Variants in CAPN1 observed in about 807,000 individuals in gnomAD.
CAPN1 encodes calpain-1 catalytic subunit.
CAPN1 carries 77 observed loss-of-function variants against 105.2 expected under a neutral mutation model. The observed-to-expected ratio is 0.73, with a 90% CI of 0.61 to 0.88. The LOEUF is 0.88. CAPN1 is among the 40% of genes least tolerant of loss of function. The probability of loss-of-function intolerance (pLI) is 0.00; values close to 1 mark genes in which losing one functional copy is unlikely to be tolerated. For synonymous variants in CAPN1, 355 were observed against 388.8 expected (o/e 0.91, Z 1.02); for missense variants, 833 against 976.6 (o/e 0.85, Z 1.96).
chr11:65,184,830 C>G (rs1244771553), intron 4 of CAPN1, among the ~76,000 whole-genome samples: 1 of 152,206 alleles, frequency 6.6e-6, no homozygotes, highest in Non-Finnish European at 1.5e-5. Flanking sequence ...TGTTCAGTGA[C>G]TCCCTAAAGG....
chr11:65,185,647 C>T (rs1005720157), intron 4 of CAPN1, among the ~76,000 whole-genome samples: 2 of 149,580 alleles, frequency 1.3e-5, no homozygotes, highest in Non-Finnish European at 3.0e-5. Flanking sequence ...ATACATGTAT[C>T]TAGTATATCT....
At chr11:65,185,843 G>A in intron 4 of CAPN1, 74 bp from the exon 5 acceptor site, 1 of 1,465,556 alleles carries the variant, frequency 6.8e-7, no homozygotes, top group Non-Finnish European at 9.2e-7. Context: ...CTGCATCTAG[G>A]AAGGTAGGGG....
rs1949044412 is a variant in CAPN1, at chr11:65,211,257, CA to C, written c.2119-2del. The C allele has an allele frequency of 6.2e-7, 1 of 1,612,722 alleles. No homozygotes were observed. The stretch of plus-strand genomic sequence containing the variant: ...CCCAGCTGACCTGCCTGTTCTCCCG[CA>C]GTGGTTGCAGCTGACCATGTTTGCA... On this transcript the variant is annotated splice_acceptor_variant, in intron 21 of 21. Transcript: ENST00000279247. LOFTEE classifies it high-confidence loss of function.
chr11:65,195,495 G>T (rs1033186911), intron 10 of CAPN1, among the ~76,000 whole-genome samples: 15 of 152,192 alleles, frequency 9.9e-5, no homozygotes, highest in Admixed American at 7.9e-4. Flanking sequence ...TCATTTTGAG[G>T]TTTTTTTCCC....
chr11:65,204,170 T>G (rs1948914510), intron 10 of CAPN1, among the ~76,000 whole-genome samples: 2 of 152,168 alleles, frequency 1.3e-5, no homozygotes, highest in Non-Finnish European at 2.9e-5. Flanking sequence ...GCCTCCTCGC[T>G]GCAAGCTGTG....
Position 65,206,532 on chromosome 11 carries a change from G to C in CAPN1, c.1423G>C (p.Glu475Gln), listed in dbSNP as rs1452864903. 6.2e-7 allele frequency: 1 copy of C among 1,613,456 alleles called. No homozygotes were observed. Among genetic ancestry groups the C allele is most frequent in the Middle Eastern group, 1.6e-4 (1 of 6,062 alleles). ...FLANASRARS[E>Q]QFINLREVST... ...GGCCAATGCGTCTCGGGCGCGCTCA[G>C]AGCAGTTCATCAACCTGCGAGAGGT... The change falls in exon 13 of 22, where the codon GAG becomes CAG. Residue 475 changes from glutamate (E) to glutamine (Q), a missense_variant. Glu to Gln is a conservative substitution (Grantham distance 29, BLOSUM62 2). Coordinates refer to ENST00000279247, the MANE Select transcript of CAPN1 (RefSeq NM_005186.4).
At position 65,208,215 on chromosome 11, in the gene CAPN1, T is replaced by C. The variant is rs1271389021; in HGVS notation, c.1682T>C (p.Ile561Thr). The C allele has an allele frequency of 6.3e-7, 1 of 1,581,144 alleles. No individual in the cohort carries two copies. Among genetic ancestry groups the C allele is most frequent in the South Asian group, 1.2e-5 (1 of 86,472 alleles). Residue 561 changes from isoleucine to threonine, a missense_variant, in exon 16 of 22, where the codon ATC (isoleucine) becomes ACC (threonine). Physicochemically the swap from Ile to Thr is moderately conservative, Grantham distance 89. Transcript: ENST00000279247. The surrounding 1 kb of genome is among the most constrained non-coding windows in gnomAD (Gnocchi z 4.1). ...FRQLAGEDME[I>T]SVKELRTILN... The stretch of plus-strand genomic sequence containing the variant: ...CCTCTCTCTCCCCAGGACATGGAGA[T>C]CAGCGTGAAGGAGTTGCGGACAATC...
rs1405796688 is a variant in CAPN1, at chr11:65,211,867, A to G, written c.*581A>G. ...CTTCCCTCCTTCGCTCCTTTTTTAT[A>G]TTAGTGATTTTAAAGGGGACTCTTC... On this transcript the variant is annotated 3_prime_UTR_variant, in exon 22 of 22. Transcript: ENST00000279247. 1 of 157,324 alleles carries G rather than the reference A, an allele frequency of 6.4e-6. No individual in the cohort carries two copies. The highest frequency in any genetic ancestry group is 6.0e-5 in the Admixed American group (1 of 16,682). 9.7% of individuals were successfully genotyped at this position (157,324 alleles called of 1,614,324 possible).
chr11:65,198,463 C>T (rs1467422102), intron 10 of CAPN1, among the ~76,000 whole-genome samples: 1 of 152,070 alleles, frequency 6.6e-6, no homozygotes, highest in Non-Finnish European at 1.5e-5. Context: ...ATGACTTTAC[C>T]CTCCTCGTGA....
intron 3 of CAPN1, 138 bp downstream of exon 3, chr11:65,183,335 C>A: frequency 8.8e-7 from 1 of 1,134,400 alleles, no homozygotes; most frequent in Non-Finnish European, 1.3e-6. Flanking sequence ...CTGGTTTGCC[C>A]AGATTCCTGG....
intron 10 of CAPN1, among the ~76,000 whole-genome samples, chr11:65,190,535 A>C (rs11227147): frequency 0.72 from 109,268 of 152,006 alleles, 40,494 homozygotes; most frequent in Middle Eastern, 0.86. Flanking sequence ...AGCGCCCTCA[A>C]GTAGTCCTGA....
rs1949022257 is a variant in CAPN1, at chr11:65,210,065, C to T, written c.1911C>T (p.Ala637=). The part of the protein sequence containing the change: ...FDLDKSGSMS[A]YEMRMAIESA... ...TGGACAAGTCGGGCAGCATGAGTGC[C>T]TACGAGATGCGGATGGCCATTGAGT... The change falls in exon 19 of 22, where the codon GCC becomes GCT. Residue 637 remains alanine, a synonymous_variant. Coordinates refer to ENST00000279247, the MANE Select transcript of CAPN1 (RefSeq NM_005186.4). The surrounding 1 kb of genome is among the most constrained non-coding windows in gnomAD (Gnocchi z 4.3). The T allele has an allele frequency of 1.2e-6, 2 of 1,612,644 alleles. No individual in the cohort carries two copies. Among genetic ancestry groups the T allele is most frequent in the African/African-American group, 2.7e-5 (2 of 74,760 alleles).
In CAPN1 at chr11:65,208,223, A is replaced by C; in HGVS notation, c.1690A>C (p.Lys564Gln). ...LAGEDMEISVKELRTILNRII... is the reference protein window; with the variant it reads ...LAGEDMEISVQELRTILNRII... Reference sequence around the variant, plus strand: ...TCCCCAGGACATGGAGATCAGCGTGAAGGAGTTGCGGACAATCCTCAATAG... The same window carrying C: ...TCCCCAGGACATGGAGATCAGCGTGCAGGAGTTGCGGACAATCCTCAATAG... The change falls in exon 16 of 22, where the codon AAG becomes CAG. Residue 564 changes from lysine (K) to glutamine (Q), a missense_variant. Coordinates refer to ENST00000279247, the MANE Select transcript of CAPN1 (RefSeq NM_005186.4). The surrounding 1 kb of genome is among the most constrained non-coding windows in gnomAD (Gnocchi z 4.1). 2 of 1,577,862 alleles carry C rather than the reference A, an allele frequency of 1.3e-6. No homozygotes were observed. The highest frequency in any genetic ancestry group is 1.7e-6 in the Non-Finnish European group (2 of 1,161,696).
chr11:65,194,846 C>T (rs957716550), intron 10 of CAPN1, among the ~76,000 whole-genome samples: 7 of 152,036 alleles, frequency 4.6e-5, no homozygotes, highest in South Asian at 2.1e-4. Context: ...CATGTGCATG[C>T]GTTTCAACAT....
Position 65,206,509 on chromosome 11 carries a change from C to G in CAPN1, c.1400C>G (p.Ala467Gly). The change falls in exon 13 of 22, where the codon GCC becomes GGC. Residue 467 changes from alanine to glycine, a missense_variant. Physicochemically the swap from Ala to Gly is moderately conservative, Grantham distance 60. Transcript: ENST00000279247. ...AVHLKRDFFL[A>G]NASRARSEQF... ...CACTTGAAGCGTGACTTCTTCCTGGCCAATGCGTCTCGGGCGCGCTCAGAG... is the reference window on the plus strand; with the variant it reads ...CACTTGAAGCGTGACTTCTTCCTGGGCAATGCGTCTCGGGCGCGCTCAGAG... 1 of 1,613,446 alleles carries G rather than the reference C, an allele frequency of 6.2e-7. No homozygotes were observed. Among genetic ancestry groups the G allele is most frequent in the Non-Finnish European group, 8.5e-7 (1 of 1,179,876 alleles).
intron 12 of CAPN1, chr11:65,206,151 G>A (rs1047962915): frequency 2.8e-5 from 15 of 539,374 alleles, no homozygotes; most frequent in Admixed American, 1.3e-4. Context: ...ATGAGGTGCC[G>A]AGTACCCTGC....
At position 65,188,029 on chromosome 11, in the gene CAPN1, C is replaced by T; in HGVS notation, c.918C>T (p.Ala306=). 3 of 1,559,462 alleles carry T rather than the reference C, an allele frequency of 1.9e-6. No individual in the cohort carries two copies. The highest frequency in any genetic ancestry group is 2.7e-5 in the African/African-American group (2 of 73,180). The part of the protein sequence containing the change: ...NPWGEVEWTG[A]WSDSSSEWNN... ...GGGGCGAGGTGGAGTGGACGGGAGCCTGGAGCGACAGGTGAGGGGCAGTGG... is the reference window on the plus strand; with the variant it reads ...GGGGCGAGGTGGAGTGGACGGGAGCTTGGAGCGACAGGTGAGGGGCAGTGG... Residue 306 remains alanine, a synonymous_variant, in exon 8 of 22, where the codon GCC becomes GCT. Transcript: ENST00000279247. This position sits in a 1 kb window ranked among gnomAD's most constrained non-coding sequence, Gnocchi z 5.5.
In CAPN1 at chr11:65,188,629, A is replaced by T; in HGVS notation, c.1048A>T (p.Ile350Phe). The T allele has an allele frequency of 6.2e-7, 1 of 1,613,812 alleles. No homozygotes were observed. Among genetic ancestry groups the T allele is most frequent in the Non-Finnish European group, 8.5e-7 (1 of 1,179,862 alleles). The change falls in exon 10 of 22, where the codon ATC becomes TTC. Residue 350 changes from isoleucine to phenylalanine, a missense_variant. Transcript: ENST00000279247. This position sits in a 1 kb window ranked among gnomAD's most constrained non-coding sequence, Gnocchi z 5.5. ...CATGCGGGAGTTCACCCGCCTGGAG[A>T]TCTGCAACCTCACACCCGACGCCCT... Reference protein sequence around the residue: ...DFMREFTRLEICNLTPDALKS... With the variant: ...DFMREFTRLEFCNLTPDALKS...
Position 65,208,248 on chromosome 11 carries a change from G to A in CAPN1, c.1715G>A (p.Arg572Lys). The change falls in exon 16 of 22, where the codon AGG (arginine) becomes AAG (lysine). Residue 572 changes from arginine to lysine, a missense_variant. Coordinates refer to ENST00000279247, the MANE Select transcript of CAPN1 (RefSeq NM_005186.4). This position sits in a 1 kb window ranked among gnomAD's most constrained non-coding sequence, Gnocchi z 4.1. Reference sequence around the variant, plus strand: ...AAGGAGTTGCGGACAATCCTCAATAGGATCATCAGCAAACGTGAGTCCCCG... The same window carrying A: ...AAGGAGTTGCGGACAATCCTCAATAAGATCATCAGCAAACGTGAGTCCCCG... ...SVKELRTILN[R>K]IISKHKDLRT... The A allele has an allele frequency of 6.4e-7, 1 of 1,568,416 alleles. No homozygotes were observed. Among genetic ancestry groups the A allele is most frequent in the Non-Finnish European group, 8.6e-7 (1 of 1,156,564 alleles).
Sources: allele counts gnomAD v4.1 joint callset (sites outside exome capture counted in the v4.1 genomes callset), GRCh38; gene constraint gnomAD v4.1.1; non-coding constraint Gnocchi (gnomAD v3.1); transcripts MANE v1.5; gene names NCBI Gene and HGNC (gene_info 2026-07-23, HGNC 2026-07-21).